The following CD1B variants were observed in gnomAD, a reference collection of about 807,000 sequenced individuals.
The protein encoded by CD1B is T-cell surface glycoprotein CD1b.
A neutral mutation model predicts 39.8 loss-of-function variants in CD1B; 43 were observed. That is an observed-to-expected ratio of 1.08 (90% CI 0.85 to 1.39). CD1B has a LOEUF of 1.39. Ranked by LOEUF, CD1B falls within the 40% of genes most tolerant of loss-of-function variation. CD1B has a pLI of 0.00. For missense variants in CD1B, 495 were observed against 403.8 expected, an observed-to-expected ratio of 1.23 and a Z score of -1.94; for synonymous variants, 192 against 152.5, an observed-to-expected ratio of 1.26 and a Z score of -1.91.
At chr1:158,310,827 G>T in the CD1B span, among the ~76,000 whole-genome samples, 1 of 152,114 alleles carries the variant, frequency 6.6e-6, no homozygotes, top group Non-Finnish European at 1.5e-5. Flanking sequence ...ATTCTAGCAA[G>T]GTTGCAGAGA....
At chr1:158,301,217 A>G in the CD1B span, among the ~76,000 whole-genome samples, 3 of 152,058 alleles carry the variant, frequency 2.0e-5, no homozygotes, top group Non-Finnish European at 4.4e-5. Context: ...TGAATACAGC[A>G]CACTGATGGG....
At chr1:158,308,938 A>G in the CD1B span, among the ~76,000 whole-genome samples, 2 of 152,218 alleles carry the variant, frequency 1.3e-5, no homozygotes, top group African/African-American at 2.4e-5. Flanking sequence ...CTTCATGTCT[A>G]AAACACCAAA....
downstream of CD1B, among the ~76,000 whole-genome samples, chr1:158,326,144 T>C (rs960737201): frequency 1.3e-5 from 2 of 152,080 alleles, no homozygotes; most frequent in African/African-American, 2.4e-5. Context: ...CTAATTTTTT[T>C]TGTAGTTTTA....
the CD1B span, among the ~76,000 whole-genome samples, chr1:158,322,492 C>T: frequency 1.9e-4 from 1 of 5,242 alleles, no homozygotes; most frequent in Non-Finnish European, 2.5e-4. Context: ...AACTCAAATC[C>T]TTGGGTTTTT....
chr1:158,316,571 G>A, the CD1B span, among the ~76,000 whole-genome samples: 2 of 151,632 alleles, frequency 1.3e-5, no homozygotes, highest in East Asian at 1.9e-4. Context: ...AGACAATGGG[G>A]TTTTCTAGAT....
the CD1B span, chr1:158,292,423 T>C: frequency 2.2e-5 from 34 of 1,546,942 alleles, no homozygotes; most frequent in Admixed American, 2.0e-4. Flanking sequence ...GCCCCTTCTG[T>C]TCCCACCCTT....
the CD1B span, among the ~76,000 whole-genome samples, chr1:158,313,555 C>A: frequency 2.0e-5 from 3 of 152,130 alleles, no homozygotes; most frequent in Admixed American, 6.6e-5. Context: ...AGTGATCCAC[C>A]CTCCTTGGCT....
the CD1B span, chr1:158,290,997 T>C: frequency 7.8e-6 from 7 of 900,864 alleles, no homozygotes; most frequent in Non-Finnish European, 1.2e-5. Flanking sequence ...TGGGGCTCTG[T>C]GTAAGGAAAA....
chr1:158,307,030 C>T, the CD1B span, among the ~76,000 whole-genome samples: 5 of 152,188 alleles, frequency 3.3e-5, no homozygotes, highest in African/African-American at 1.2e-4. Context: ...ACTAGAGAAG[C>T]AAGAGCAAAC....
At chr1:158,318,183 T>A in the CD1B span, among the ~76,000 whole-genome samples, 1 of 152,212 alleles carries the variant, frequency 6.6e-6, no homozygotes, top group African/African-American at 2.4e-5. Context: ...TTAGGTCCGC[T>A]TGGGGCAGAG....
the CD1B span, among the ~76,000 whole-genome samples, chr1:158,314,540 C>T: frequency 1.3e-5 from 2 of 152,216 alleles, no homozygotes; most frequent in South Asian, 2.1e-4. Context: ...CCTTGAGCAA[C>T]ATGAGGTTAT....
downstream of CD1B, chr1:158,327,890 A>C (rs796520260): frequency 5.3e-5 from 10 of 188,856 alleles, no homozygotes; most frequent in African/African-American, 2.3e-4. Flanking sequence ...TTGACAAATG[A>C]TATTTAACCA....
chr1:158,301,935 A>T, the CD1B span, among the ~76,000 whole-genome samples: 2 of 151,774 alleles, frequency 1.3e-5, no homozygotes, highest in African/African-American at 2.4e-5. Flanking sequence ...TCAAACATAG[A>T]TTTTTTTCTT....
the CD1B span, among the ~76,000 whole-genome samples, chr1:158,302,720 C>A: frequency 6.6e-6 from 1 of 152,066 alleles, no homozygotes; most frequent in Non-Finnish European, 1.5e-5. Context: ...TATACATTCC[C>A]AAAATTGAAC....
the CD1B span, among the ~76,000 whole-genome samples, chr1:158,290,439 G>A: frequency 0.061 from 9,360 of 152,232 alleles, 427 homozygotes; most frequent in Non-Finnish European, 0.094. Flanking sequence ...TGACACGCAA[G>A]GTCCAGAGGG....
chr1:158,287,255 G>A, the CD1B span, among the ~76,000 whole-genome samples: 4 of 151,922 alleles, frequency 2.6e-5, no homozygotes, highest in East Asian at 7.7e-4. Flanking sequence ...TTCTCACTAT[G>A]AGCTCATATG....
chr1:158,331,410 G>A lies in CD1B; in HGVS notation c.14C>T (p.Pro5Leu), dbSNP rs374272540. 3.1e-6 allele frequency: 5 copies of A among 1,613,786 alleles called. No homozygotes were observed. The African/African-American group carries it at 5.3e-5, about 17-fold the overall frequency. MLLL[P>L]FQLLAVLFPG... ...AAAGAGAACAGCTAACAGTTGAAAT[G>A]GCAGCAGCAGCATTTCACTGGGAGA... is the stretch of plus-strand genomic sequence containing the variant. Residue 5 changes from proline to leucine, a missense_variant, in exon 1 of 6, where the codon CCA becomes CTA. Pro to Leu is a moderately conservative substitution (Grantham distance 98). Transcript: ENST00000368168.
chr1:158,330,226 G>T (rs1337671496), intron 2 of CD1B, 96 bp from the exon 3 acceptor site: 2 of 1,110,998 alleles, frequency 1.8e-6, no homozygotes, highest in Non-Finnish European at 2.6e-6. Flanking sequence ...TGGGGATAAA[G>T]TTATTTGGTG....
the CD1B span, among the ~76,000 whole-genome samples, chr1:158,305,937 A>T: frequency 1.3e-5 from 2 of 152,218 alleles, no homozygotes; most frequent in Non-Finnish European, 2.9e-5. Context: ...GGAAGCACTA[A>T]ACATGAAAAG....
Sources: gnomAD v4.1 joint callset for allele counts (sites outside exome capture counted in the v4.1 genomes callset) on GRCh38, gnomAD v4.1.1 for gene constraint, MANE v1.5 for transcripts, NCBI Gene and HGNC (gene_info 2026-07-23, HGNC 2026-07-21) for gene names.